The following SLC44A5 variants were observed in gnomAD, a reference collection of about 807,000 sequenced individuals.
The protein encoded by SLC44A5 is choline transporter-like protein 5.
In SLC44A5, 57 loss-of-function variants were observed where a neutral mutation model predicts 101.8. That is an observed-to-expected ratio of 0.56 (90% CI 0.45 to 0.70). The LOEUF is 0.70. SLC44A5 is among the 30% of genes least tolerant of loss of function. The pLI is 0.00. For missense variants in SLC44A5, 737 were observed against 853.1 expected, an observed-to-expected ratio of 0.86 and a Z score of 1.70; for synonymous variants, 281 against 290.9, an observed-to-expected ratio of 0.97 and a Z score of 0.35.
At chr1:75,303,212 C>T (rs868277806) in intron 4 of SLC44A5, among the ~76,000 whole-genome samples, 29 of 151,988 alleles carry the variant, frequency 1.9e-4, no homozygotes, top group African/African-American at 6.3e-4. Flanking sequence ...GAAGCAGAAG[C>T]GGATCCCAAA....
At position 75,379,837 on chromosome 1, in the gene SLC44A5, T is replaced by C. The variant is rs1660833640; in HGVS notation, c.52+16746A>G. Among the ~76,000 whole-genome samples, 2 of 82,702 alleles carry C rather than the reference T, an allele frequency of 2.4e-5. 1 individual carries two copies. Among genetic ancestry groups the C allele is most frequent in the Non-Finnish European group, 4.2e-5 (2 of 48,058 alleles). The allele number at this position is 82,702 out of a possible 152,430, so 54.3% of individuals were successfully genotyped here. ...TTAGAACATTTGGAAGAAAATGTTA[T>C]AATTGTGGTCAAATTGGTCACTTAA... On this transcript the variant is annotated intron_variant, in intron 3 of 23. Transcript: ENST00000370859.
At chr1:75,450,710 G>A (rs912348179) in intron 2 of SLC44A5, among the ~76,000 whole-genome samples, 1 of 152,200 alleles carries the variant, frequency 6.6e-6, no homozygotes, top group African/African-American at 2.4e-5. Flanking sequence ...AGGTTGTGAT[G>A]AAGTGGGGCC....
In SLC44A5 at chr1:75,444,483, G is replaced by GAAAGAAAGAAAGAAAGAAAGAAAGAAAGA. The variant is rs1553181287; in HGVS notation, c.14-47863_14-47862insTCTTTCTTTCTTTCTTTCTTTCTTTCTTT. 1.2e-3 allele frequency among the ~76,000 whole-genome samples: 166 copies of GAAAGAAAGAAAGAAAGAAAGAAAGAAAGA among 140,718 alleles called. 1 individual carries two copies. Among genetic ancestry groups the GAAAGAAAGAAAGAAAGAAAGAAAGAAAGA allele is most frequent in the African/African-American group, 4.0e-3 (153 of 37,788 alleles). The allele number at this position is 140,718 out of a possible 152,430, so 92.3% of individuals were successfully genotyped here. ...AAAGAAAAAAAGAAAGAGAAAGAAA[G>GAAAGAAAGAAAGAAAGAAAGAAAGAAAGA]AAGAAAGAAAGAAAGAAAGAAAGAA... On this transcript the variant is annotated intron_variant, in intron 2 of 23. Coordinates refer to ENST00000370859, the MANE Select transcript of SLC44A5 (RefSeq NM_001130058.2).
chr1:75,203,827 T>G lies in SLC44A5; in HGVS notation c.2054A>C (p.Asp685Ala). The change falls in exon 24 of 24, where the codon GAT becomes GCT. Residue 685 changes from aspartate (D) to alanine (A), a missense_variant. Physicochemically the swap from Asp to Ala is moderately radical, Grantham distance 126. Coordinates refer to ENST00000370859, the MANE Select transcript of SLC44A5 (RefSeq NM_001130058.2). ...VETIFICFLE[D>A]LERNDGSTAR... ...AGTAGAACCATCATTTCTTTCTAAATCTTCCACTAGGAGGAAGAATGGTAC... is the reference window on the plus strand; with the variant it reads ...AGTAGAACCATCATTTCTTTCTAAAGCTTCCACTAGGAGGAAGAATGGTAC... 8 of 1,548,236 alleles carry G rather than the reference T, an allele frequency of 5.2e-6. No individual in the cohort carries two copies. The highest frequency in any genetic ancestry group is 7.0e-6 in the Non-Finnish European group (8 of 1,145,466).
At chr1:75,684,933 G>A in the SLC44A5 span, among the ~76,000 whole-genome samples, 3 of 152,232 alleles carry the variant, frequency 2.0e-5, no homozygotes, top group African/African-American at 7.2e-5. Flanking sequence ...ACCTAGAAGA[G>A]GTTCTCCGTG....
intron 2 of SLC44A5, among the ~76,000 whole-genome samples, chr1:75,396,961 C>G (rs144103175): frequency 6.6e-6 from 1 of 152,122 alleles, no homozygotes; most frequent in Non-Finnish European, 1.5e-5. Context: ...AGAAATGAGG[C>G]ATTTTGTTTA....
At chr1:75,254,156 G>A (rs923721695) in intron 6 of SLC44A5, among the ~76,000 whole-genome samples, 16 of 151,664 alleles carry the variant, frequency 1.1e-4, no homozygotes, top group Non-Finnish European at 1.9e-4. Context: ...CTCCTGCCTC[G>A]GCCTTCTGAG....
chr1:75,658,243 T>A, the SLC44A5 span, among the ~76,000 whole-genome samples: 2 of 150,362 alleles, frequency 1.3e-5, no homozygotes, highest in Non-Finnish European at 2.9e-5. Context: ...CTGGCTAATT[T>A]TTCTATTTTT....
intron 2 of SLC44A5, among the ~76,000 whole-genome samples, chr1:75,454,003 T>C (rs1214442398): frequency 6.6e-6 from 1 of 152,096 alleles, no homozygotes; most frequent in African/African-American, 2.4e-5. Context: ...CTACTGAAAC[T>C]ATCCCATAAA....
chr1:75,573,181 C>T (rs10874366), intron 1 of SLC44A5, among the ~76,000 whole-genome samples: 38,264 of 110,398 alleles, frequency 0.35, 6,989 homozygotes, highest in East Asian at 0.8. Flanking sequence ...GGTACTAAAG[C>T]AAGAAATAAT....
At chr1:75,526,418 G>A (rs1412733359) in intron 2 of SLC44A5, among the ~76,000 whole-genome samples, 2 of 152,204 alleles carry the variant, frequency 1.3e-5, no homozygotes, top group African/African-American at 4.8e-5. Flanking sequence ...GGAAAAGGCC[G>A]GTTCCAGGCC....
chr1:75,563,458 G>A (rs1481584087), intron 1 of SLC44A5, among the ~76,000 whole-genome samples: 1 of 151,498 alleles, frequency 6.6e-6, no homozygotes, highest in African/African-American at 2.4e-5. Context: ...CCAAAATCTT[G>A]GCTGAAATTT....
intron 2 of SLC44A5, among the ~76,000 whole-genome samples, chr1:75,513,694 T>C (rs1489841025): frequency 6.6e-6 from 1 of 152,200 alleles, no homozygotes; most frequent in East Asian, 1.9e-4. Context: ...CAGCTAGAGG[T>C]AGACAAGGAG....
chr1:75,693,500 C>A, the SLC44A5 span, among the ~76,000 whole-genome samples: 1 of 152,172 alleles, frequency 6.6e-6, no homozygotes, highest in Non-Finnish European at 1.5e-5. Context: ...GAAGATAGCT[C>A]ATATACATTT....
chr1:75,341,229 G>A (rs530888800), intron 3 of SLC44A5, among the ~76,000 whole-genome samples: 1 of 152,294 alleles, frequency 6.6e-6, no homozygotes, highest in South Asian at 2.1e-4. Context: ...GCCGGACATG[G>A]GTGGCTCACA....
chr1:75,375,887 A>T (rs570442842), intron 3 of SLC44A5, among the ~76,000 whole-genome samples: 3 of 152,202 alleles, frequency 2.0e-5, no homozygotes, highest in African/African-American at 7.2e-5. Context: ...CGTGAGTGAC[A>T]CAGAAGATGG....
chr1:75,646,066 G>A, the SLC44A5 span, among the ~76,000 whole-genome samples: 67 of 135,094 alleles, frequency 5.0e-4, 6 homozygotes, highest in African/African-American at 1.5e-3. Context: ...CAGGTAGCAT[G>A]ATGCCTCCAG....
chr1:75,397,222 TG>T (rs948726452), intron 2 of SLC44A5, among the ~76,000 whole-genome samples: 5 of 152,122 alleles, frequency 3.3e-5, no homozygotes, highest in African/African-American at 1.2e-4. Context: ...TTTTGGGGAA[TG>T]GGGAGGTGGC....
At chr1:75,218,822 T>C in intron 16 of SLC44A5, 70 bp from the exon 17 acceptor site, 3 of 1,438,210 alleles carry the variant, frequency 2.1e-6, no homozygotes, top group Admixed American at 2.1e-5. Flanking sequence ...TCCCTGTGTT[T>C]TCCTCTTCCC....
Sources: allele counts gnomAD v4.1 joint callset (sites outside exome capture counted in the v4.1 genomes callset), GRCh38; gene constraint gnomAD v4.1.1; transcripts MANE v1.5; gene names NCBI Gene and HGNC (gene_info 2026-07-23, HGNC 2026-07-21).